PTPRG: variants seen among roughly 807,000 people sequenced by gnomAD.
The protein encoded by PTPRG is receptor-type tyrosine-protein phosphatase gamma.
Under a neutral mutation model 165.3 loss-of-function variants are expected in PTPRG, and 102 were observed. The ratio of observed to expected loss-of-function variants is 0.62; its 90% CI spans 0.53 to 0.73. The LOEUF (loss-of-function observed/expected upper bound fraction) is 0.73, where lower values mean the gene tolerates loss of function less well. Ranked by LOEUF, PTPRG falls within the 30% of genes least tolerant of loss-of-function variation. The pLI, the probability that PTPRG is intolerant of heterozygous loss-of-function variation, is 0.00. For synonymous variants in PTPRG, 675 were observed against 669.5 expected, an observed-to-expected ratio of 1.01 and a Z score of -0.13; for missense variants, 1,866 against 1,861.4, an observed-to-expected ratio of 1.00 and a Z score of -0.05.
intron 3 of PTPRG, among the ~76,000 whole-genome samples, chr3:62,002,297 GA>G (rs1445833365): frequency 6.6e-6 from 1 of 152,102 alleles, no homozygotes; most frequent in African/African-American, 2.4e-5. Context: ...ATCTCTTTAG[GA>G]AGAGGAGACA....
chr3:62,181,516 C>CT (rs1370137795), intron 8 of PTPRG, among the ~76,000 whole-genome samples: 1 of 152,062 alleles, frequency 6.6e-6, no homozygotes, highest in African/African-American at 2.4e-5. Flanking sequence ...AGTAAGTTTT[C>CT]TAAGCAACTC....
At chr3:62,079,454 A>G (rs1701493987) in intron 5 of PTPRG, among the ~76,000 whole-genome samples, 2 of 152,254 alleles carry the variant, frequency 1.3e-5, no homozygotes. Context: ...GTAAAATAAT[A>G]TAGAATAGGA....
chr3:61,617,466 A>G (rs760285136), intron 1 of PTPRG, among the ~76,000 whole-genome samples: 1 of 152,154 alleles, frequency 6.6e-6, no homozygotes, highest in Non-Finnish European at 1.5e-5. Flanking sequence ...CCTTGTATGT[A>G]GGAAGTATAC....
At chr3:61,644,434 G>A (rs551536683) in intron 1 of PTPRG, among the ~76,000 whole-genome samples, 41 of 152,276 alleles carry the variant, frequency 2.7e-4, no homozygotes, top group South Asian at 1.2e-3. Context: ...AGAATTTAAA[G>A]CTGCTCAAGG....
intron 28 of PTPRG, among the ~76,000 whole-genome samples, chr3:62,291,064 A>T (rs975515269): frequency 6.6e-6 from 1 of 152,160 alleles, no homozygotes; most frequent in Non-Finnish European, 1.5e-5. Context: ...ACTTAGTAGA[A>T]AAGTGTTAAT....
intron 5 of PTPRG, chr3:62,124,529 G>C: frequency 6.5e-7 from 1 of 1,537,950 alleles, no homozygotes; most frequent in African/African-American, 1.4e-5. Flanking sequence ...ATCCACCGGG[G>C]TTTTGCTCTG....
intron 1 of PTPRG, among the ~76,000 whole-genome samples, chr3:61,584,810 TG>T (rs1428393205): frequency 6.6e-6 from 1 of 152,190 alleles, no homozygotes; most frequent in Non-Finnish European, 1.5e-5. Context: ...GCAGCATCTC[TG>T]CCTGCCCCAG....
At chr3:61,576,015 G>C (rs1202300805) in intron 1 of PTPRG, among the ~76,000 whole-genome samples, 1 of 152,198 alleles carries the variant, frequency 6.6e-6, no homozygotes, top group Non-Finnish European at 1.5e-5. Flanking sequence ...CGAATGCTAT[G>C]CCACTGTTGT....
At chr3:62,155,047 G>T (rs1412961132) in intron 6 of PTPRG, among the ~76,000 whole-genome samples, 1 of 152,212 alleles carries the variant, frequency 6.6e-6, no homozygotes, top group Non-Finnish European at 1.5e-5. Context: ...TAGGCTGCTG[G>T]TAACCAGGTT....
chr3:62,277,145 T>A lies in PTPRG; in HGVS notation c.3636+97T>A. ...GTGACTGATGTCATTTTTGAAATAA[T>A]TTCTCAATGTGTAATATGAAAAGTA... On this transcript the variant is annotated intron_variant, in intron 25 of 29. Coordinates refer to ENST00000474889, the MANE Select transcript of PTPRG (RefSeq NM_002841.4). 6 of 922,330 alleles carry A rather than the reference T, an allele frequency of 6.5e-6. 1 individual carries two copies. In the South Asian group the frequency reaches 9.4e-5, roughly 14 times the overall value. 57.1% of individuals were successfully genotyped at this position (922,330 alleles called of 1,614,324 possible).
At chr3:61,799,152 G>C (rs1445584338) in intron 2 of PTPRG, among the ~76,000 whole-genome samples, 1 of 151,884 alleles carries the variant, frequency 6.6e-6, no homozygotes, top group Non-Finnish European at 1.5e-5. Flanking sequence ...CTTTCCAATA[G>C]TAGTATGAAA....
At chr3:62,083,000 G>T (rs1445925491) in intron 5 of PTPRG, among the ~76,000 whole-genome samples, 1 of 152,104 alleles carries the variant, frequency 6.6e-6, no homozygotes, top group Non-Finnish European at 1.5e-5. Context: ...AGTAAAGTTT[G>T]CTTTTAAAGG....
intron 1 of PTPRG, among the ~76,000 whole-genome samples, chr3:61,607,546 T>C (rs1038146081): frequency 6.6e-6 from 1 of 152,190 alleles, no homozygotes; most frequent in African/African-American, 2.4e-5. Flanking sequence ...GACAAACTCT[T>C]TTAAACCTTA....
chr3:61,675,254 G>A (rs576017526), intron 1 of PTPRG, among the ~76,000 whole-genome samples: 39 of 152,218 alleles, frequency 2.6e-4, no homozygotes, highest in Admixed American at 3.9e-4. Flanking sequence ...TAACTTTTCC[G>A]GAGGATGGAG....
chr3:61,792,012 G>A (rs2034891052), intron 2 of PTPRG, among the ~76,000 whole-genome samples: 1 of 152,138 alleles, frequency 6.6e-6, no homozygotes, highest in Admixed American at 6.5e-5. Context: ...AGAATCTTTA[G>A]TTCTAGACAC....
At chr3:61,965,286 C>T (rs967043204) in intron 2 of PTPRG, among the ~76,000 whole-genome samples, 2 of 149,912 alleles carry the variant, frequency 1.3e-5, no homozygotes, top group Admixed American at 6.7e-5. Context: ...TGTTAAGCTA[C>T]GGTGGCTCAC....
At chr3:61,680,967 T>G (rs1271193207) in intron 1 of PTPRG, among the ~76,000 whole-genome samples, 1 of 69,064 alleles carries the variant, frequency 1.4e-5, no homozygotes, top group African/African-American at 4.0e-5. Flanking sequence ...GCTTTTAGGT[T>G]GTGAATTTTT....
chr3:61,879,138 C>T (rs1559664882), intron 2 of PTPRG, among the ~76,000 whole-genome samples: 1 of 152,172 alleles, frequency 6.6e-6, no homozygotes, highest in African/African-American at 2.4e-5. Context: ...AAAAATTGCT[C>T]AGAAAAGTCA....
chr3:61,903,008 C>T (rs2038537283), intron 2 of PTPRG, among the ~76,000 whole-genome samples: 1 of 152,132 alleles, frequency 6.6e-6, no homozygotes, highest in Admixed American at 6.5e-5. Flanking sequence ...GTGCCAGTAG[C>T]ATAGGCACAT....
Sources: gnomAD v4.1 joint callset for allele counts (sites outside exome capture counted in the v4.1 genomes callset) on GRCh38, gnomAD v4.1.1 for gene constraint, MANE v1.5 for transcripts, NCBI Gene and HGNC (gene_info 2026-07-23, HGNC 2026-07-21) for gene names.